ATP6V0A1: variants seen among roughly 807,000 people sequenced by gnomAD.
ATP6V0A1 encodes the protein ATPase H+ transporting V0 subunit a1.
In ATP6V0A1, 43 loss-of-function variants were observed where a neutral mutation model predicts 105.4. The ratio of observed to expected loss-of-function variants is 0.41; its 90% CI spans 0.32 to 0.53. ATP6V0A1 has a LOEUF of 0.53. Ranked by LOEUF, ATP6V0A1 falls within the 20% of genes least tolerant of loss-of-function variation. The pLI, the probability that ATP6V0A1 is intolerant of heterozygous loss-of-function variation, is 0.30. For synonymous variants in ATP6V0A1, 362 were observed against 372.8 expected, an observed-to-expected ratio of 0.97 and a Z score of 0.33; for missense variants, 676 against 1,051.1, an observed-to-expected ratio of 0.64 and a Z score of 4.93.
chr17:42,489,142 G>A (rs1311791617), intron 10 of ATP6V0A1, among the ~76,000 whole-genome samples: 2 of 148,196 alleles, frequency 1.3e-5, no homozygotes, highest in African/African-American at 5.0e-5. Context: ...GCATGATCTC[G>A]GCTCACTGCA....
chr17:42,477,568 G>A, intron 5 of ATP6V0A1, 92 bp from the exon 6 acceptor site: 1 of 1,315,704 alleles, frequency 7.6e-7, no homozygotes, highest in Non-Finnish European at 1.1e-6. Flanking sequence ...TTCTGAACCT[G>A]TCTCCTGGTT....
At chr17:42,476,279 T>A (rs1222678835) in intron 5 of ATP6V0A1, among the ~76,000 whole-genome samples, 2 of 152,186 alleles carry the variant, frequency 1.3e-5, no homozygotes, top group Non-Finnish European at 1.5e-5. Flanking sequence ...TTGCTTTCTA[T>A]TTTTTAGGCC....
intron 2 of ATP6V0A1, among the ~76,000 whole-genome samples, chr17:42,461,243 A>G (rs769651076): frequency 1.3e-5 from 2 of 152,202 alleles, no homozygotes; most frequent in South Asian, 4.1e-4. Context: ...AGCATTCTCC[A>G]GGTAATTGTT....
intron 4 of ATP6V0A1, among the ~76,000 whole-genome samples, chr17:42,469,426 G>A (rs1483968284): frequency 6.7e-6 from 1 of 149,908 alleles, no homozygotes; most frequent in Non-Finnish European, 1.5e-5. Flanking sequence ...CGCCTCCCGG[G>A]TTCAAGCCAT....
chr17:42,503,931 C>T (rs2091859575), intron 17 of ATP6V0A1, among the ~76,000 whole-genome samples: 1 of 152,222 alleles, frequency 6.6e-6, no homozygotes, highest in Non-Finnish European at 1.5e-5. Context: ...ACACATACTA[C>T]CTATTGTCAA....
rs747920330 is a variant in ATP6V0A1, at chr17:42,501,233, C to T, written c.1933C>T (p.Leu645=). Residue 645 remains leucine (L), a synonymous_variant, in exon 17 of 22, where the codon CTG becomes TTG. Transcript: ENST00000343619. ...GTGTTTCCTGGTAGTGGTTGCACTACTGTGTGTACCTTGGATGCTGCTGTT... is the reference window on the plus strand; with the variant it reads ...GTGTTTCCTGGTAGTGGTTGCACTATTGTGTGTACCTTGGATGCTGCTGTT... ...IQCFLVVVAL[L]CVPWMLLFKP... 2.5e-6 allele frequency: 4 copies of T among 1,614,080 alleles called. No homozygotes were observed. The highest frequency in any genetic ancestry group is 3.4e-6 in the Non-Finnish European group (4 of 1,179,978).
rs1442956301 is a variant in ATP6V0A1, at chr17:42,480,653, A to T, written c.634-14A>T. On this transcript the variant is annotated splice_polypyrimidine_tract_variant and intron_variant, in intron 7 of 21. Transcript: ENST00000343619. ...CAGAAGTCTGAACTCTTGTTTTTTTATTCTGGGGCCTAGGGCGACTACGTG... is the reference window on the plus strand; with the variant it reads ...CAGAAGTCTGAACTCTTGTTTTTTTTTTCTGGGGCCTAGGGCGACTACGTG... 8 of 1,596,244 alleles carry T rather than the reference A, an allele frequency of 5.0e-6. No individual in the cohort carries two copies. The highest frequency in any genetic ancestry group is 1.7e-4 in the Middle Eastern group (1 of 5,960).
At chr17:42,469,456 A>G (rs1000773835) in intron 4 of ATP6V0A1, among the ~76,000 whole-genome samples, 1 of 148,874 alleles carries the variant, frequency 6.7e-6, no homozygotes, top group Non-Finnish European at 1.5e-5. Context: ...TCAGCCTCCC[A>G]GGTAGCTGGG....
At chr17:42,477,509 A>G (rs960876480) in intron 5 of ATP6V0A1, 151 bp from the exon 6 acceptor site, 8 of 643,032 alleles carry the variant, frequency 1.2e-5, no homozygotes, top group African/African-American at 1.1e-4. Flanking sequence ...TTGTCTTTTT[A>G]TGGATATATC....
At chr17:42,461,415 G>T (rs942463787) in intron 2 of ATP6V0A1, among the ~76,000 whole-genome samples, 1 of 152,142 alleles carries the variant, frequency 6.6e-6, no homozygotes, top group Non-Finnish European at 1.5e-5. Context: ...ATATAAATAA[G>T]CATATACTGA....
At chr17:42,494,917 TGAATCAGGATG>T (rs1016948673) in intron 12 of ATP6V0A1, 106 bp from the exon 13 acceptor site, 72 of 1,141,744 alleles carry the variant, frequency 6.3e-5, no homozygotes, top group Non-Finnish European at 8.4e-5. Context: ...TCAAGCTCTC[TGAATCAGGATG>T]GGGTAAAGTA....
chr17:42,474,157 C>T (rs1328541626), intron 5 of ATP6V0A1, among the ~76,000 whole-genome samples: 4 of 152,006 alleles, frequency 2.6e-5, no homozygotes, highest in Non-Finnish European at 5.9e-5. Flanking sequence ...TGTGTACCAC[C>T]ATGCCCAGCT....
intron 14 of ATP6V0A1, among the ~76,000 whole-genome samples, chr17:42,497,162 G>C (rs1473299854): frequency 6.6e-6 from 1 of 151,620 alleles, no homozygotes; most frequent in Non-Finnish European, 1.5e-5. Flanking sequence ...AATTGGCCGG[G>C]TGTGGTGGTG....
chr17:42,469,303 A>G (rs923050600), intron 4 of ATP6V0A1, among the ~76,000 whole-genome samples: 2 of 151,602 alleles, frequency 1.3e-5, no homozygotes, highest in Middle Eastern at 3.2e-3. Context: ...TGACTTCTAC[A>G]ATGACTTAGA....
At chr17:42,497,796 G>A (rs2091318403) in intron 14 of ATP6V0A1, among the ~76,000 whole-genome samples, 1 of 152,018 alleles carries the variant, frequency 6.6e-6, no homozygotes, top group Admixed American at 6.6e-5. Flanking sequence ...CCAGCAATTT[G>A]GGAGGCCAAG....
intron 11 of ATP6V0A1, 125 bp downstream of exon 11, chr17:42,490,762 C>G: frequency 9.6e-7 from 1 of 1,038,768 alleles, no homozygotes. Flanking sequence ...GACTGTAGTT[C>G]ACTGCAGCCT....
chr17:42,469,324 T>A (rs1026701974), intron 4 of ATP6V0A1, among the ~76,000 whole-genome samples: 6 of 104,696 alleles, frequency 5.7e-5, no homozygotes, highest in African/African-American at 2.8e-4. Flanking sequence ...AAGGAAAGAC[T>A]TTTTTTTTTT....
chr17:42,484,536 T>C (rs2089907877), intron 9 of ATP6V0A1, among the ~76,000 whole-genome samples: 1 of 152,128 alleles, frequency 6.6e-6, no homozygotes, highest in Non-Finnish European at 1.5e-5. Context: ...CCACACAGAC[T>C]AGCCAAAAAG....
chr17:42,519,884 G>T (rs2092768141), intron 21 of ATP6V0A1: 1 of 152,882 alleles, frequency 6.5e-6, no homozygotes, highest in South Asian at 2.0e-4. Context: ...TCCTCAGCCT[G>T]CACCCCAGTG....
Sources: allele counts gnomAD v4.1 joint callset (sites outside exome capture counted in the v4.1 genomes callset), GRCh38; gene constraint gnomAD v4.1.1; transcripts MANE v1.5; gene names NCBI Gene and HGNC (gene_info 2026-07-23, HGNC 2026-07-21).